Variants in ZNF609 observed in about 807,000 individuals in gnomAD.
ZNF609 encodes zinc finger protein 609.
ZNF609 carries 11 observed loss-of-function variants against 109.5 expected under a neutral mutation model. The observed-to-expected ratio is 0.10, with a 90% confidence interval of 0.06 to 0.17. The LOEUF is 0.17. Among genes scored for constraint, ZNF609 ranks in the 10% least tolerant of loss-of-function variants. The pLI, the probability that ZNF609 is intolerant of heterozygous loss-of-function variation, is 1.00. For missense variants in ZNF609, 1,559 were observed against 1,772.4 expected (o/e 0.88, Z 2.16); for synonymous variants, 646 against 662.0 (o/e 0.98, Z 0.37).
intron 3 of ZNF609, among the ~76,000 whole-genome samples, chr15:64,668,157 T>C (rs1896677626): frequency 6.6e-6 from 1 of 152,174 alleles, no homozygotes; most frequent in African/African-American, 2.4e-5. Context: ...TTCCACTCAA[T>C]ATGAGGCTGC....
chr15:64,625,410 C>T (rs1317161186), intron 3 of ZNF609, among the ~76,000 whole-genome samples: 1 of 151,988 alleles, frequency 6.6e-6, no homozygotes, highest in Non-Finnish European at 1.5e-5. Flanking sequence ...ATCCCAGCTA[C>T]TTGGGAGGCT....
At chr15:64,489,167 T>G (rs1385938273) in intron 1 of ZNF609, among the ~76,000 whole-genome samples, 1 of 151,474 alleles carries the variant, frequency 6.6e-6, no homozygotes, top group African/African-American at 2.4e-5. Flanking sequence ...GCAAGCCTAG[T>G]TTTGTGTTTT....
chr15:64,617,476 G>GC (rs1168919612), intron 2 of ZNF609, among the ~76,000 whole-genome samples: 1 of 151,696 alleles, frequency 6.6e-6, no homozygotes, highest in Non-Finnish European at 1.5e-5. Context: ...GGACGACAGA[G>GC]CGAGACCCTG....
intron 3 of ZNF609, among the ~76,000 whole-genome samples, chr15:64,660,037 G>A (rs1459417862): frequency 6.6e-6 from 1 of 151,986 alleles, no homozygotes; most frequent in Admixed American, 6.6e-5. Context: ...GTTTCGCCAT[G>A]TTGGCCAGGC....
In ZNF609 at chr15:64,676,587, T is replaced by C. The variant is rs185022027; in HGVS notation, c.3402+331T>C. On this transcript the variant is annotated intron_variant, in intron 5 of 9. Coordinates refer to ENST00000326648, the MANE Select transcript of ZNF609 (RefSeq NM_015042.2). ...CTGAGATTACAGGCACACGCCACCA[T>C]GCCCAGCTAATTTTTTTTGTATTTT... 8.0e-3 allele frequency among the ~76,000 whole-genome samples: 1,067 copies of C among 132,774 alleles called. 15 individuals are homozygous for C. Among genetic ancestry groups the C allele is most frequent in the African/African-American group, 0.029 (1,013 of 35,538 alleles). The allele number at this position is 132,774 out of a possible 152,430, so 87.1% of individuals were successfully genotyped here.
At position 64,683,916 on chromosome 15, in the gene ZNF609, C is replaced by T. The variant is rs999094308; in HGVS notation, c.*2230C>T. On this transcript the variant is annotated 3_prime_UTR_variant, in exon 10 of 10. Coordinates refer to ENST00000326648, the MANE Select transcript of ZNF609 (RefSeq NM_015042.2). ...TCCACTCATTCTGTAACACAGAGGA[C>T]GAACTTCTGTATTAGCTGGGCAGCC... The T allele has an allele frequency of 1.3e-5, 2 of 152,228 alleles. No homozygotes were observed. The highest frequency in any genetic ancestry group is 1.9e-4 in the East Asian group (1 of 5,204). The allele number at this position is 152,228 out of a possible 1,614,324, so 9.4% of individuals were successfully genotyped here. A position where few individuals can be genotyped will look rare whatever the true frequency, so the allele number is the denominator to read the frequency against.
intron 2 of ZNF609, among the ~76,000 whole-genome samples, chr15:64,620,592 T>C (rs1001428584): frequency 6.6e-6 from 1 of 152,242 alleles, no homozygotes; most frequent in South Asian, 2.1e-4. Flanking sequence ...TGATTCATTA[T>C]ACAGGCTTCT....
chr15:64,487,355 T>A (rs549023070), intron 1 of ZNF609, among the ~76,000 whole-genome samples: 2 of 152,334 alleles, frequency 1.3e-5, no homozygotes, highest in South Asian at 2.1e-4. Context: ...GACAATTCTC[T>A]TGTTCATAGG....
At chr15:64,612,234 G>T (rs1307431142) in intron 2 of ZNF609, among the ~76,000 whole-genome samples, 1 of 150,366 alleles carries the variant, frequency 6.7e-6, no homozygotes, top group Non-Finnish European at 1.5e-5. Context: ...TGCAAGCTCC[G>T]CCTCCCAGGT....
intron 2 of ZNF609, among the ~76,000 whole-genome samples, chr15:64,560,406 A>G (rs1371925604): frequency 6.6e-6 from 1 of 150,992 alleles, no homozygotes; most frequent in Non-Finnish European, 1.5e-5. Flanking sequence ...TTGGTTTTCT[A>G]CTAGATGTTA....
At chr15:64,491,716 G>A (rs762117237) in intron 1 of ZNF609, among the ~76,000 whole-genome samples, 3 of 151,918 alleles carry the variant, frequency 2.0e-5, no homozygotes, top group Non-Finnish European at 4.4e-5. Context: ...GTATGGTGGC[G>A]CCCCTCCAAT....
intron 2 of ZNF609, among the ~76,000 whole-genome samples, chr15:64,582,634 C>G (rs745708083): frequency 4.6e-5 from 7 of 152,006 alleles, no homozygotes; most frequent in Non-Finnish European, 8.8e-5. Flanking sequence ...AACTGTTCTG[C>G]CTGTTCTCAC....
intron 1 of ZNF609, among the ~76,000 whole-genome samples, chr15:64,466,805 C>T (rs1324937893): frequency 6.6e-6 from 1 of 152,034 alleles, no homozygotes; most frequent in Non-Finnish European, 1.5e-5. Context: ...TTACCTTTCC[C>T]CCACCCCCAT....
chr15:64,551,593 G>GAGTT (rs1326758735), intron 2 of ZNF609, among the ~76,000 whole-genome samples: 17 of 138,674 alleles, frequency 1.2e-4, no homozygotes, highest in Middle Eastern at 3.8e-3. Flanking sequence ...CGGAGGTTAT[G>GAGTT]GTGAGCCGAG....
intron 1 of ZNF609, among the ~76,000 whole-genome samples, chr15:64,466,943 C>T (rs564507848): frequency 1.3e-5 from 2 of 152,176 alleles, no homozygotes; most frequent in African/African-American, 4.8e-5. Flanking sequence ...TTCTTCCCCC[C>T]TCCCCTTGCT....
At chr15:64,678,528 A>C (rs370027687) in intron 6 of ZNF609, 46 bp downstream of exon 6, 1 of 1,519,344 alleles carries the variant, frequency 6.6e-7, no homozygotes, top group South Asian at 1.3e-5. Flanking sequence ...GGAAGGGGGA[A>C]TGAAGCACAG....
intron 2 of ZNF609, among the ~76,000 whole-genome samples, chr15:64,598,741 TG>T (rs1895440383): frequency 1.5e-5 from 1 of 68,538 alleles, no homozygotes; most frequent in Non-Finnish European, 2.9e-5. Context: ...TCTTTGTGTG[TG>T]TATATATATA....
At position 64,587,007 on chromosome 15, in the gene ZNF609, T is replaced by C. The variant is rs886139057; in HGVS notation, c.748-35820T>C. On this transcript the variant is annotated intron_variant, in intron 2 of 9. Transcript: ENST00000326648. ...TTCTTTTAGCTTTTCTTCCTATAAGTTGTTATCTCTGCCTGTTGCTTTCTA... is the reference window on the plus strand; with the variant it reads ...TTCTTTTAGCTTTTCTTCCTATAAGCTGTTATCTCTGCCTGTTGCTTTCTA... Among the ~76,000 whole-genome samples the C allele has an allele frequency of 2.8e-4, 42 of 152,222 alleles. 1 individual carries two copies.
At position 64,499,729 on chromosome 15, in the gene ZNF609, C is replaced by T; in HGVS notation, c.310C>T (p.Pro104Ser). ...TGGCAAAGACACTAGCAAACCCACTCCAGGGACTTCCCTGTTCACTCCAAG... is the reference window on the plus strand; with the variant it reads ...TGGCAAAGACACTAGCAAACCCACTTCAGGGACTTCCCTGTTCACTCCAAG... ...KSGKDTSKPT[P>S]GTSLFTPSEG... is the part of the protein sequence containing the mutation. The change falls in exon 2 of 10, where the codon CCA (proline) becomes TCA (serine). Residue 104 changes from proline to serine, a missense_variant. Coordinates refer to ENST00000326648, the MANE Select transcript of ZNF609 (RefSeq NM_015042.2). The T allele has an allele frequency of 1.2e-6, 2 of 1,614,072 alleles. No homozygotes were observed. Among genetic ancestry groups the T allele is most frequent in the Non-Finnish European group, 8.5e-7 (1 of 1,180,022 alleles).
Sources: allele counts gnomAD v4.1 joint callset (sites outside exome capture counted in the v4.1 genomes callset), GRCh38; gene constraint gnomAD v4.1.1; transcripts MANE v1.5; gene names NCBI Gene and HGNC (gene_info 2026-07-23, HGNC 2026-07-21).